HMBOX1: variants seen among roughly 807,000 people sequenced by gnomAD.
HMBOX1 encodes the protein homeobox containing 1.
Under a neutral mutation model 54.5 loss-of-function variants are expected in HMBOX1, and 14 were observed. That is an observed-to-expected ratio of 0.26 (90% confidence interval 0.17 to 0.40). The LOEUF (loss-of-function observed/expected upper bound fraction) is 0.40, where lower values mean the gene tolerates loss of function less well. HMBOX1 is among the 10% of genes least tolerant of loss of function. HMBOX1 has a pLI of 1.00. For synonymous variants in HMBOX1, 160 were observed against 181.0 expected (o/e 0.88, Z 0.93); for missense variants, 332 against 514.4 (o/e 0.65, Z 3.43).
intron 1 of HMBOX1, among the ~76,000 whole-genome samples, chr8:28,926,280 C>CAG (rs1818440713): frequency 1.4e-5 from 2 of 141,002 alleles, no homozygotes; most frequent in African/African-American, 5.6e-5. Context: ...TTATTCATGG[C>CAG]AGATATATAT....
intron 1 of HMBOX1, among the ~76,000 whole-genome samples, chr8:28,902,887 A>G (rs904698223): frequency 7.9e-5 from 12 of 152,194 alleles, no homozygotes; most frequent in Admixed American, 7.9e-4. Context: ...GTTATGCAAA[A>G]TGCAACGTGC....
intron 6 of HMBOX1, among the ~76,000 whole-genome samples, chr8:29,036,379 C>T (rs1803873044): frequency 6.6e-6 from 1 of 152,128 alleles, no homozygotes; most frequent in South Asian, 2.1e-4. Context: ...CCTGAAGAGG[C>T]ACTAACTCTT....
At chr8:28,900,275 T>A (rs1232515587) in intron 1 of HMBOX1, among the ~76,000 whole-genome samples, 5 of 134,620 alleles carry the variant, frequency 3.7e-5, no homozygotes, top group African/African-American at 1.1e-4. Flanking sequence ...AAAAAAAATA[T>A]ATATATATAT....
intron 6 of HMBOX1, among the ~76,000 whole-genome samples, chr8:29,022,520 A>G (rs745892421): frequency 6.6e-5 from 10 of 152,194 alleles, no homozygotes; most frequent in Non-Finnish European, 1.3e-4. Flanking sequence ...CTAAATGTCT[A>G]TTTGTAGTAA....
chr8:28,899,380 A>G (rs534021462), intron 1 of HMBOX1, among the ~76,000 whole-genome samples: 4 of 152,332 alleles, frequency 2.6e-5, no homozygotes, highest in African/African-American at 9.6e-5. Flanking sequence ...GAGACATCTT[A>G]GGAGAACTCA....
chr8:29,039,237 G>A (rs909539897), intron 6 of HMBOX1, among the ~76,000 whole-genome samples: 6 of 151,990 alleles, frequency 3.9e-5, no homozygotes, highest in African/African-American at 9.7e-5. Context: ...CCAATTGCCC[G>A]GTATAAACTA....
At chr8:28,912,943 A>C (rs968142734) in intron 1 of HMBOX1, among the ~76,000 whole-genome samples, 3 of 152,212 alleles carry the variant, frequency 2.0e-5, no homozygotes, top group Non-Finnish European at 2.9e-5. Context: ...TATTGTAGGA[A>C]ATGACACCAA....
chr8:28,945,083 T>C (rs1822180581), intron 1 of HMBOX1, among the ~76,000 whole-genome samples: 1 of 152,238 alleles, frequency 6.6e-6, no homozygotes, highest in Non-Finnish European at 1.5e-5. Context: ...TTACAAATAC[T>C]ATTTTGTGTG....
At chr8:28,896,389 G>GTAC (rs1340199113) in intron 1 of HMBOX1, among the ~76,000 whole-genome samples, 1 of 131,312 alleles carries the variant, frequency 7.6e-6, no homozygotes, top group Non-Finnish European at 1.8e-5. Context: ...CAGGTGTGTA[G>GTAC]ATTGCATAAT....
intron 6 of HMBOX1, among the ~76,000 whole-genome samples, chr8:29,042,279 C>T (rs1355285637): frequency 1.3e-5 from 2 of 152,102 alleles, no homozygotes; most frequent in Non-Finnish European, 2.9e-5. Flanking sequence ...AAGACAAAAG[C>T]GGAGAAGTTG....
At chr8:28,994,227 G>C (rs1831446618) in intron 4 of HMBOX1, among the ~76,000 whole-genome samples, 1 of 151,108 alleles carries the variant, frequency 6.6e-6, no homozygotes, top group Non-Finnish European at 1.5e-5. Flanking sequence ...TGCCCTACCA[G>C]ATATTAAAAT....
At chr8:29,042,618 C>G in intron 6 of HMBOX1, 3 of 455,272 alleles carry the variant, frequency 6.6e-6, no homozygotes, top group South Asian at 4.7e-5. Flanking sequence ...CCAATTGGCC[C>G]TATTTTATGA....
chr8:29,035,140 G>T lies in HMBOX1; in HGVS notation c.852-10221G>T, dbSNP rs183421248. 5.9e-5 allele frequency among the ~76,000 whole-genome samples: 9 copies of T among 152,230 alleles called. No homozygotes were observed. In the East Asian group the frequency reaches 1.5e-3, roughly 26 times the overall value. On this transcript the variant is annotated intron_variant, in intron 6 of 9. Coordinates refer to ENST00000287701, the MANE Select transcript of HMBOX1 (RefSeq NM_001135726.3). The stretch of plus-strand genomic sequence containing the variant: ...GCTGCTTGTTGAGAGAAAGAATTTG[G>T]ATTGATCCCTGGGAGGACCAGTTCT...
intron 1 of HMBOX1, among the ~76,000 whole-genome samples, chr8:28,928,987 C>T (rs1819019186): frequency 6.6e-6 from 1 of 152,158 alleles, no homozygotes; most frequent in Admixed American, 6.5e-5. Context: ...TGAATACGTT[C>T]TGGAGACTTA....
rs1162477676 is a variant in HMBOX1, at chr8:28,960,765, C to CTTTTTTTTTTTTT, written c.-57-3019_-57-3007dup. 7.4e-4 allele frequency among the ~76,000 whole-genome samples: 12 copies of CTTTTTTTTTTTTT among 16,240 alleles called. 1 individual carries two copies. The highest frequency in any genetic ancestry group is 1.3e-3 in the Non-Finnish European group (10 of 7,542). The allele number at this position is 16,240 out of a possible 152,430, so 10.7% of individuals were successfully genotyped here. ...TTATTCTCTTTTTCTTTTTCTTTTTCTTTTTTTTTTTTTTTTTTTTTTTTT... is the reference window on the plus strand; with the variant it reads ...TTATTCTCTTTTTCTTTTTCTTTTTCTTTTTTTTTTTTTTTTTTTTTTTTTTTTTTTTTTTTTT... On this transcript the variant is annotated intron_variant, in intron 1 of 9. Coordinates refer to ENST00000287701, the MANE Select transcript of HMBOX1 (RefSeq NM_001135726.3).
At chr8:28,956,046 G>A (rs1824375225) in intron 1 of HMBOX1, 1 of 151,720 alleles carries the variant, frequency 6.6e-6, no homozygotes, top group Admixed American at 6.6e-5. Context: ...TTGATTCTCA[G>A]GAGTAGGATT....
intron 3 of HMBOX1, among the ~76,000 whole-genome samples, chr8:28,976,352 A>G (rs528044105): frequency 5.8e-4 from 89 of 152,354 alleles, no homozygotes; most frequent in African/African-American, 2.0e-3. Flanking sequence ...TTTCATTGCT[A>G]GGAGACAAAT....
chr8:29,018,707 A>G (rs1800712632), intron 5 of HMBOX1, 53 bp from the exon 6 acceptor site: 2 of 1,572,694 alleles, frequency 1.3e-6, no homozygotes, highest in African/African-American at 1.4e-5. Flanking sequence ...TAGATGTTAT[A>G]TTGTTTTAAA....
intron 4 of HMBOX1, 151 bp from the exon 5 acceptor site, chr8:29,008,921 A>G (rs1044319344): frequency 1.8e-6 from 1 of 565,536 alleles, no homozygotes; most frequent in African/African-American, 1.9e-5. Context: ...CAGTCTTTAC[A>G]AAGGAATCCA....
Sources: allele counts gnomAD v4.1 joint callset (sites outside exome capture counted in the v4.1 genomes callset), GRCh38; gene constraint gnomAD v4.1.1; transcripts MANE v1.5; gene names NCBI Gene and HGNC (gene_info 2026-07-23, HGNC 2026-07-21).